Variants in SGCD observed in about 807,000 individuals in gnomAD.
SGCD encodes sarcoglycan delta.
SGCD carries 18 observed loss-of-function variants against 36.6 expected under a neutral mutation model. The ratio of observed to expected loss-of-function variants is 0.49; its 90% CI spans 0.34 to 0.73. The LOEUF (loss-of-function observed/expected upper bound fraction) is 0.73. Ranked by LOEUF, SGCD falls within the 30% of genes least tolerant of loss-of-function variation. The probability of loss-of-function intolerance (pLI) is 0.01; values close to 1 mark genes in which losing one functional copy is unlikely to be tolerated. For synonymous variants in SGCD, 133 were observed against 130.6 expected, an observed-to-expected ratio of 1.02 and a Z score of -0.12; for missense variants, 387 against 346.7, an observed-to-expected ratio of 1.12 and a Z score of -0.92.
chr5:156,211,023 A>T (rs1348034303), intron 3 of SGCD, among the ~76,000 whole-genome samples: 1 of 152,204 alleles, frequency 6.6e-6, no homozygotes, highest in Non-Finnish European at 1.5e-5. Flanking sequence ...TTAAATAATC[A>T]AAGACAAAGA....
rs373468033 is a variant in SGCD at position 156,276,697 on chromosome 5, T to A, written c.-43-52837T>A. Among the ~76,000 whole-genome samples, 45 of 152,344 alleles carry A rather than the reference T, an allele frequency of 3.0e-4. 1 individual carries two copies. In the South Asian group the frequency reaches 8.9e-3, roughly 30 times the overall value. ...CCCATACTGTTCTGGAAACATGGTC[T>A]CTGCATTCATGGCACTTACAAGCTC... On this transcript the variant is annotated intron_variant, in intron 3 of 9. Coordinates refer to the SGCD transcript ENST00000517913.
chr5:156,761,936 T>C lies in SGCD; in HGVS notation c.*2546T>C, dbSNP rs530364527. The C allele has an allele frequency of 2.6e-5, 4 of 152,406 alleles. No individual in the cohort carries two copies. The highest frequency in any genetic ancestry group is 7.2e-5 in the African/African-American group (3 of 41,448). The allele number at this position is 152,406 out of a possible 1,614,324, so 9.4% of individuals were successfully genotyped here. On this transcript the variant is annotated 3_prime_UTR_variant, in exon 9 of 9. Coordinates refer to ENST00000337851, the MANE Select transcript of SGCD (RefSeq NM_000337.6). ...TCATTTATGCTAAGTGACCACAGTATACAAAGTAATAAGCAGGAAATTTGA... is the reference window on the plus strand; with the variant it reads ...TCATTTATGCTAAGTGACCACAGTACACAAAGTAATAAGCAGGAAATTTGA...
chr5:156,337,231 G>A (rs990673995), intron 2 of SGCD, among the ~76,000 whole-genome samples: 5 of 152,084 alleles, frequency 3.3e-5, no homozygotes, highest in South Asian at 2.1e-4. Flanking sequence ...AGCCTTTGAG[G>A]GAACCTATGC....
rs113737936 is a variant in SGCD at position 155,872,220 on chromosome 5, A to G, written c.-282+1796A>G. On this transcript the variant is annotated intron_variant, in intron 1 of 9. Coordinates refer to the SGCD transcript ENST00000517913. ...AATGCCTGCGACAGCTTTAGTTTCC[A>G]TCCATACAAAGAGAATAAGAATATC... Among the ~76,000 whole-genome samples, 706 of 152,300 alleles carry G rather than the reference A, an allele frequency of 4.6e-3. 2 individuals are homozygous for G. The highest frequency in any genetic ancestry group is 6.4e-3 in the Non-Finnish European group (436 of 68,038).
chr5:156,608,273 CT>C (rs1761585397), intron 6 of SGCD, among the ~76,000 whole-genome samples: 1 of 152,132 alleles, frequency 6.6e-6, no homozygotes, highest in Non-Finnish European at 1.5e-5. Flanking sequence ...CAAAGAAGAT[CT>C]TTATTTCTGC....
intron 1 of SGCD, among the ~76,000 whole-genome samples, chr5:155,876,989 G>C (rs1241883175): frequency 6.6e-6 from 1 of 152,030 alleles, no homozygotes; most frequent in Non-Finnish European, 1.5e-5. Context: ...CAGCATTTTG[G>C]AATACATTCC....
At chr5:156,449,808 C>T (rs139531830) in intron 3 of SGCD, among the ~76,000 whole-genome samples, 56 of 142,392 alleles carry the variant, frequency 3.9e-4, no homozygotes, top group African/African-American at 1.0e-3. Flanking sequence ...GCCAAGAATG[C>T]GCCACTGCAC....
intron 7 of SGCD, among the ~76,000 whole-genome samples, chr5:156,682,708 C>A (rs1303762964): frequency 6.6e-6 from 1 of 152,166 alleles, no homozygotes; most frequent in Non-Finnish European, 1.5e-5. Flanking sequence ...TGGAGGATAT[C>A]ATTTGATCAG....
intron 1 of SGCD, among the ~76,000 whole-genome samples, chr5:156,042,357 G>T (rs1026622295): frequency 2.0e-5 from 3 of 152,066 alleles, no homozygotes; most frequent in Non-Finnish European, 4.4e-5. Context: ...AATGACAGAT[G>T]CAGGAATTTA....
At chr5:156,217,834 C>T (rs1210271382) in intron 3 of SGCD, among the ~76,000 whole-genome samples, 1 of 152,034 alleles carries the variant, frequency 6.6e-6, no homozygotes, top group Non-Finnish European at 1.5e-5. Flanking sequence ...TACACACACA[C>T]ACATACATGT....
intron 1 of SGCD, among the ~76,000 whole-genome samples, chr5:156,044,991 C>G (rs73812922): frequency 0.14 from 21,313 of 152,100 alleles, 1,765 homozygotes; most frequent in Non-Finnish European, 0.19. Context: ...CTGAGAAGTC[C>G]AAGGGCATGG....
intron 3 of SGCD, among the ~76,000 whole-genome samples, chr5:156,416,884 TAAATGAGTGG>T (rs1773071055): frequency 6.6e-6 from 1 of 152,236 alleles, no homozygotes; most frequent in South Asian, 2.1e-4. Context: ...TGTAGTCATT[TAAATGAGTGG>T]AAAATGGCAT....
rs1003589110 is a variant in SGCD, at chr5:156,765,637, A to C, written c.*6247A>C. 6.6e-6 allele frequency: 1 copy of C among 152,170 alleles called. No homozygotes were observed. The highest frequency in any genetic ancestry group is 1.5e-5 in the Non-Finnish European group (1 of 68,022). The allele number at this position is 152,170 out of a possible 1,614,324, so 9.4% of individuals were successfully genotyped here. On this transcript the variant is annotated 3_prime_UTR_variant, in exon 9 of 9. Transcript: ENST00000337851. The stretch of plus-strand genomic sequence containing the variant: ...ATACATTCTCCTATTTCATCCTCAA[A>C]ACAATCCTTTGAGTTGGGTTTTAAT...
chr5:156,695,511 G>GGATA (rs56315334), intron 7 of SGCD, among the ~76,000 whole-genome samples: 319 of 140,034 alleles, frequency 2.3e-3, no homozygotes, highest in Non-Finnish European at 2.5e-3. Context: ...ATAGATAGAT[G>GGATA]GATAGATAGA....
At chr5:156,206,264 T>G (rs1764275695) in intron 3 of SGCD, among the ~76,000 whole-genome samples, 3 of 151,982 alleles carry the variant, frequency 2.0e-5, no homozygotes. Context: ...ACCAGTCTTC[T>G]GTGGCTTGGC....
intron 6 of SGCD, among the ~76,000 whole-genome samples, chr5:156,613,334 C>T (rs946788938): frequency 3.3e-5 from 5 of 152,290 alleles, no homozygotes; most frequent in Middle Eastern, 3.4e-3. Context: ...AATAAATTTG[C>T]TTAGAACTTG....
intron 3 of SGCD, among the ~76,000 whole-genome samples, chr5:156,312,202 A>G (rs142301967): frequency 1.3e-5 from 2 of 152,268 alleles, no homozygotes; most frequent in East Asian, 3.9e-4. Context: ...TCCATTTTTC[A>G]GGTGTAGACA....
chr5:156,544,602 T>A (rs2113165006), intron 4 of SGCD, among the ~76,000 whole-genome samples: 1 of 151,752 alleles, frequency 6.6e-6, no homozygotes, highest in African/African-American at 2.4e-5. Context: ...GTAGGGTTTT[T>A]TTAGAAGGCC....
At chr5:156,636,756 A>G (rs764357148) in intron 6 of SGCD, among the ~76,000 whole-genome samples, 2 of 152,214 alleles carry the variant, frequency 1.3e-5, no homozygotes, top group Admixed American at 6.5e-5. Flanking sequence ...CAAAATGTCC[A>G]GCTAAATAAT....
Sources: gnomAD v4.1 joint callset for allele counts (sites outside exome capture counted in the v4.1 genomes callset) on GRCh38, gnomAD v4.1.1 for gene constraint, MANE v1.5 for transcripts, NCBI Gene and HGNC (gene_info 2026-07-23, HGNC 2026-07-21) for gene names.